The following AGTPBP1 variants were observed in gnomAD, a reference collection of about 807,000 sequenced individuals.
AGTPBP1 encodes the protein cytosolic carboxypeptidase 1.
Under a neutral mutation model 143.9 loss-of-function variants are expected in AGTPBP1, and 70 were observed. That is an observed-to-expected ratio of 0.49 (90% CI 0.40 to 0.59). The LOEUF (loss-of-function observed/expected upper bound fraction) is 0.59, where lower values mean the gene tolerates loss of function less well. Among genes scored for constraint, AGTPBP1 ranks in the 20% least tolerant of loss-of-function variants. The probability of loss-of-function intolerance (pLI) is 0.00; values close to 1 mark genes in which losing one functional copy is unlikely to be tolerated. For synonymous variants in AGTPBP1, 463 were observed against 500.2 expected, an observed-to-expected ratio of 0.93 and a Z score of 0.99; for missense variants, 1,229 against 1,464.5, an observed-to-expected ratio of 0.84 and a Z score of 2.62.
chr9:85,732,203 TATGACC>T (rs1838926420), intron 1 of AGTPBP1, among the ~76,000 whole-genome samples: 1 of 149,790 alleles, frequency 6.7e-6, no homozygotes, highest in African/African-American at 2.5e-5. Context: ...AACCTATGAC[TATGACC>T]CTTTTTTTTT....
At chr9:85,703,296 T>C (rs980217350) in intron 2 of AGTPBP1, among the ~76,000 whole-genome samples, 1 of 152,220 alleles carries the variant, frequency 6.6e-6, no homozygotes, top group Non-Finnish European at 1.5e-5. Flanking sequence ...ACTGGAAGTT[T>C]AGATATACAA....
chr9:85,653,357 T>C (rs1351492299), intron 11 of AGTPBP1, among the ~76,000 whole-genome samples: 1 of 152,214 alleles, frequency 6.6e-6, no homozygotes, highest in African/African-American at 2.4e-5. Flanking sequence ...AATGTAAATA[T>C]GCATTTCTAG....
intron 24 of AGTPBP1, 136 bp downstream of exon 24, chr9:85,578,782 CAT>C: frequency 7.0e-6 from 6 of 851,760 alleles, no homozygotes; most frequent in Non-Finnish European, 1.0e-5. Flanking sequence ...CTTAAGACTG[CAT>C]ATGATTCCAT....
At chr9:85,626,764 T>C (rs1831324140) in intron 14 of AGTPBP1, among the ~76,000 whole-genome samples, 1 of 152,162 alleles carries the variant, frequency 6.6e-6, no homozygotes, top group African/African-American at 2.4e-5. Flanking sequence ...AAAACAGTCA[T>C]AGACAATGCA....
chr9:85,800,807 T>TTGTGTGTG, the AGTPBP1 span, among the ~76,000 whole-genome samples: 574 of 144,676 alleles, frequency 4.0e-3, no homozygotes, highest in East Asian at 0.014. Context: ...TTTAGAATGG[T>TTGTGTGTG]TGTGTGTGTG....
chr9:85,764,971 C>T, the AGTPBP1 span: 5 of 760,836 alleles, frequency 6.6e-6, no homozygotes, highest in Admixed American at 9.4e-5. Context: ...TGATGGATCA[C>T]TTGAGTGATT....
intron 6 of AGTPBP1, among the ~76,000 whole-genome samples, chr9:85,676,574 C>G: frequency 6.6e-6 from 1 of 151,962 alleles, no homozygotes; most frequent in South Asian, 2.1e-4. Flanking sequence ...GGATAAGGAA[C>G]TCTCACACAC....
At chr9:85,555,153 C>T (rs1826257141) in intron 25 of AGTPBP1, among the ~76,000 whole-genome samples, 1 of 152,148 alleles carries the variant, frequency 6.6e-6, no homozygotes, top group Admixed American at 6.6e-5. Context: ...CAACAAAAGA[C>T]TCAAATCACA....
intron 19 of AGTPBP1, among the ~76,000 whole-genome samples, chr9:85,591,965 TG>T (rs776405688): frequency 2.9e-4 from 44 of 152,168 alleles, no homozygotes; most frequent in Non-Finnish European, 6.0e-4. Context: ...AGTTTCATTT[TG>T]CTATATTCAA....
chr9:85,628,685 A>G (rs1411709675), intron 14 of AGTPBP1, among the ~76,000 whole-genome samples: 4 of 152,112 alleles, frequency 2.6e-5, no homozygotes, highest in African/African-American at 7.2e-5. Flanking sequence ...AATACAGGTA[A>G]CAACAGAGTT....
the AGTPBP1 span, chr9:85,774,121 A>G: frequency 3.1e-6 from 3 of 953,036 alleles, no homozygotes; most frequent in Non-Finnish European, 5.0e-6. Context: ...GATCACTTAA[A>G]AGCTCAACAT....
At chr9:85,798,146 C>A in the AGTPBP1 span, among the ~76,000 whole-genome samples, 1 of 151,494 alleles carries the variant, frequency 6.6e-6, no homozygotes, top group Non-Finnish European at 1.5e-5. Context: ...AAGTGATCCA[C>A]CTGCCTCAGC....
At chr9:85,726,810 T>A (rs987931006) in intron 1 of AGTPBP1, among the ~76,000 whole-genome samples, 9 of 152,010 alleles carry the variant, frequency 5.9e-5, no homozygotes, top group African/African-American at 1.9e-4. Flanking sequence ...AAAAAATCAG[T>A]GAAAAGACTG....
intron 3 of AGTPBP1, among the ~76,000 whole-genome samples, chr9:85,692,272 A>ATTT (rs1255296569): frequency 3.7e-5 from 5 of 135,822 alleles, no homozygotes; most frequent in Non-Finnish European, 4.8e-5. Context: ...AGAAAGTTTG[A>ATTT]TTTTTTTTTT....
chr9:85,754,449 T>C, the AGTPBP1 span, among the ~76,000 whole-genome samples: 14 of 152,234 alleles, frequency 9.2e-5, no homozygotes, highest in African/African-American at 2.9e-4. Context: ...CCCAAAGTGC[T>C]GGGATTACAG....
chr9:85,638,596 TA>T (rs1242432063), intron 13 of AGTPBP1, among the ~76,000 whole-genome samples: 1 of 151,944 alleles, frequency 6.6e-6, no homozygotes, highest in Non-Finnish European at 1.5e-5. Flanking sequence ...ATACGCTGTT[TA>T]AAAAATACAC....
intron 22 of AGTPBP1, among the ~76,000 whole-genome samples, 192 bp from the exon 23 acceptor site, chr9:85,585,786 C>A (rs1475436904): frequency 6.6e-6 from 1 of 152,122 alleles, no homozygotes; most frequent in East Asian, 1.9e-4. Context: ...ATAATTAATT[C>A]TAGAATTGCC....
intron 1 of AGTPBP1, among the ~76,000 whole-genome samples, chr9:85,719,216 G>C (rs1837937678): frequency 6.6e-6 from 1 of 152,192 alleles, no homozygotes. Flanking sequence ...GTCATCGGTA[G>C]CTTGATGGGG....
At chr9:85,590,066 G>A (rs1235252074) in intron 19 of AGTPBP1, among the ~76,000 whole-genome samples, 1 of 152,008 alleles carries the variant, frequency 6.6e-6, no homozygotes, top group African/African-American at 2.4e-5. Flanking sequence ...TTGAAATTGT[G>A]AGTGATAATA....
Sources: allele counts gnomAD v4.1 joint callset (sites outside exome capture counted in the v4.1 genomes callset), GRCh38; gene constraint gnomAD v4.1.1; transcripts MANE v1.5; gene names NCBI Gene and HGNC (gene_info 2026-07-23, HGNC 2026-07-21).